Variants in KIF19 observed in about 807,000 individuals in gnomAD.
The protein encoded by KIF19 is kinesin-like protein KIF19.
KIF19 carries 98 observed loss-of-function variants against 106.6 expected under a neutral mutation model. The ratio of observed to expected loss-of-function variants is 0.92; its 90% CI spans 0.78 to 1.09. KIF19 has a LOEUF of 1.09. Ranked by LOEUF, KIF19 falls within the 50% of genes least tolerant of loss-of-function variation. The pLI, the probability that KIF19 is intolerant of heterozygous loss-of-function variation, is 0.00. For missense variants in KIF19, 1,373 were observed against 1,414.3 expected, an observed-to-expected ratio of 0.97 and a Z score of 0.47; for synonymous variants, 516 against 584.2, an observed-to-expected ratio of 0.88 and a Z score of 1.68.
rs376586257 is a variant in KIF19, at chr17:74,349,353, C to T, written c.1213+4C>T. On this transcript the variant is annotated splice_donor_region_variant and intron_variant, in intron 10 of 19. Transcript: ENST00000389916. ...GGTGACATCCGCCACATCCAAGGTG[C>T]GCCTGTGGGTCTGTGTGAGTGGCAG... 4.5e-5 allele frequency: 71 copies of T among 1,592,398 alleles called. No homozygotes were observed. The highest frequency in any genetic ancestry group is 2.5e-4 in the African/African-American group (19 of 74,512).
chr17:74,353,522 G>A lies in KIF19; in HGVS notation c.2249G>A (p.Trp750Ter). Residue 750 changes from tryptophan (W) to a stop codon, truncating the protein, a stop_gained, in exon 17 of 20, where the codon TGG becomes TAG. Coordinates refer to ENST00000389916, the MANE Select transcript of KIF19 (RefSeq NM_153209.4). LOFTEE classifies it high-confidence loss of function. ...EAPAQDSLGSWINSSPDSSEN... is the reference protein window; with the variant it reads ...EAPAQDSLGS ...CCGGCTCAGGACAGCCTGGGCAGCT[G>A]GATCAACTCTTCCCCTGACAGCAGT... The A allele has an allele frequency of 6.2e-7, 1 of 1,613,906 alleles. No individual in the cohort carries two copies. Among genetic ancestry groups the A allele is most frequent in the Non-Finnish European group, 8.5e-7 (1 of 1,179,888 alleles).
chr17:74,342,152 A>G (rs1030126684), intron 3 of KIF19, among the ~76,000 whole-genome samples, 166 bp downstream of exon 3: 3 of 152,128 alleles, frequency 2.0e-5, no homozygotes, highest in Admixed American at 2.0e-4. Context: ...TCATGCACAC[A>G]AGGCACACAC....
rs1044744514 is a variant in KIF19, at chr17:74,346,744, A to G, written c.924+220A>G. Among the ~76,000 whole-genome samples, 31 of 152,224 alleles carry G rather than the reference A, an allele frequency of 2.0e-4. No homozygotes were observed. Among genetic ancestry groups the G allele is most frequent in the Non-Finnish European group, 3.2e-4 (22 of 68,038 alleles). On this transcript the variant is annotated intron_variant, in intron 8 of 19. Coordinates refer to ENST00000389916, the MANE Select transcript of KIF19 (RefSeq NM_153209.4). This position sits in a 1 kb window ranked among gnomAD's most constrained non-coding sequence, Gnocchi z 4.6. ...AATTTAACTGGGTATCCTGTATTTT[A>G]TCTGACGACCCTAACCAAAGGCTGG...
At chr17:74,342,757 C>T (rs372391374) in intron 4 of KIF19, 40 bp downstream of exon 4, 692 of 1,543,362 alleles carry the variant, frequency 4.5e-4, no homozygotes, top group Non-Finnish European at 5.7e-4. Context: ...GACCGCAATG[C>T]CCCTGTAATC....
At chr17:74,330,563 A>ACT (rs547807959) in intron 2 of KIF19, among the ~76,000 whole-genome samples, 3 of 151,828 alleles carry the variant, frequency 2.0e-5, no homozygotes, top group East Asian at 3.9e-4. Flanking sequence ...GACAATGCTG[A>ACT]CTCTCTCTCT....
chr17:74,328,628 T>G, intron 2 of KIF19, 123 bp downstream of exon 2: 1 of 741,758 alleles, frequency 1.3e-6, no homozygotes, highest in Non-Finnish European at 2.2e-6. Flanking sequence ...CTCACTGAAC[T>G]CTTGGCTGTG....
intron 2 of KIF19, among the ~76,000 whole-genome samples, chr17:74,338,302 G>A (rs1044962914): frequency 1.3e-5 from 2 of 152,242 alleles, no homozygotes; most frequent in African/African-American, 2.4e-5. Flanking sequence ...TACCTTCAGT[G>A]GGGTCTGACA....
intron 7 of KIF19, among the ~76,000 whole-genome samples, chr17:74,345,611 G>C (rs1039515267): frequency 7.2e-5 from 11 of 152,114 alleles, no homozygotes; most frequent in African/African-American, 2.2e-4. Flanking sequence ...GCAATCTTGG[G>C]GGTTTTATGG....
At chr17:74,328,982 T>G (rs1310030462) in intron 2 of KIF19, 1 of 153,622 alleles carries the variant, frequency 6.5e-6, no homozygotes, top group East Asian at 1.9e-4. Flanking sequence ...TTCTAGAAAC[T>G]GGGAAACTGT....
At position 74,354,657 on chromosome 17, in the gene KIF19, A is replaced by G. The variant is rs577827540; in HGVS notation, c.2706+98A>G. ...AAAGGCTCCAGGGCACCTCTAGCCT[A>G]CCCCATACCTGGAGGCACCACCCTC... is the stretch of plus-strand genomic sequence containing the variant. On this transcript the variant is annotated intron_variant, in intron 18 of 19. Coordinates refer to ENST00000389916, the MANE Select transcript of KIF19 (RefSeq NM_153209.4). 5.2e-6 allele frequency: 8 copies of G among 1,524,732 alleles called. No individual in the cohort carries two copies. The Admixed American group carries it at 1.2e-4, about 23-fold the overall frequency. The allele number at this position is 1,524,732 out of a possible 1,614,324, so 94.5% of individuals were successfully genotyped here. A position where few individuals can be genotyped will look rare whatever the true frequency, so the allele number is the denominator to read the frequency against.
chr17:74,353,582 G>T lies in KIF19; in HGVS notation c.2308+1G>T, dbSNP rs1231562388. On this transcript the variant is annotated splice_donor_variant, in intron 17 of 19. Transcript: ENST00000389916. LOFTEE classifies it high-confidence loss of function. ...TCGGAGATCCCCTTGTCCCACAAAG[G>T]TATGTGTGCCCTCTGCTGCCCGGCC... The T allele has an allele frequency of 6.2e-7, 1 of 1,612,338 alleles. No homozygotes were observed. The highest frequency in any genetic ancestry group is 2.2e-5 in the East Asian group (1 of 44,888).
intron 7 of KIF19, among the ~76,000 whole-genome samples, chr17:74,345,924 C>T (rs1047732212): frequency 6.6e-6 from 1 of 152,156 alleles, no homozygotes; most frequent in African/African-American, 2.4e-5. Context: ...GGCAGGGCCT[C>T]CTCGGCTTTG....
chr17:74,342,875 G>A (rs1324614575), intron 4 of KIF19, 149 bp from the exon 5 acceptor site: 17 of 1,185,244 alleles, frequency 1.4e-5, no homozygotes, highest in East Asian at 7.7e-5. Flanking sequence ...AACCCGAGCC[G>A]GGGCATCATC....
chr17:74,352,127 G>A lies in KIF19; in HGVS notation c.1848G>A (p.Gln616=). 6.3e-7 allele frequency: 1 copy of A among 1,582,518 alleles called. No individual in the cohort carries two copies. The highest frequency in any genetic ancestry group is 8.6e-7 in the Non-Finnish European group (1 of 1,161,554). Residue 616 remains glutamine (Q), a synonymous_variant, in exon 13 of 20, where the codon CAG becomes CAA. Transcript: ENST00000389916. ...ACGAGATTATCCAGGGCCAGCGGCA[G>A]ATCATCGACGGTAGGGCCCACGCCC... ...LCDEIIQGQR[Q]IIDDYNLAVP...
In KIF19 at chr17:74,354,544, G is replaced by A. The variant is rs1411388801; in HGVS notation, c.2691G>A (p.Glu897=). ...GGAAGCGGAGGTCCCGATCCTTCGA[G>A]GTCACCGGGCAAGGGGTGAGGCGAG... ...KRRKRRSRSF[E]VTGQGLSHPK... is the part of the protein sequence containing the mutation. The change falls in exon 18 of 20, where the codon GAG becomes GAA. Residue 897 remains glutamate (E), a synonymous_variant. Transcript: ENST00000389916. 1.3e-6 allele frequency: 2 copies of A among 1,596,992 alleles called. No individual in the cohort carries two copies. Among genetic ancestry groups the A allele is most frequent in the Non-Finnish European group, 1.7e-6 (2 of 1,173,094 alleles).
Position 74,355,247 on chromosome 17 carries a change from C to T in KIF19, c.2932C>T (p.Arg978Cys), listed in dbSNP as rs777141396. The change falls in exon 20 of 20, where the codon CGT (arginine) becomes TGT (cysteine). Residue 978 changes from arginine (R) to cysteine (C), a missense_variant. Transcript: ENST00000389916. ...NPGGGSRRATRGPRLPHGTST... is the reference protein window; with the variant it reads ...NPGGGSRRATCGPRLPHGTST... ...AGGTGGTGGTTCTCGACGGGCTACC[C>T]GTGGGCCCCGCCTGCCCCACGGCAC... 13 of 1,612,694 alleles carry T rather than the reference C, an allele frequency of 8.1e-6. No individual in the cohort carries two copies. Among genetic ancestry groups the T allele is most frequent in the Middle Eastern group, 1.6e-4 (1 of 6,072 alleles).
rs1372587193 is a variant in KIF19 at position 74,354,940 on chromosome 17, G to C, written c.2865G>C (p.Thr955=). 2 of 1,581,488 alleles carry C rather than the reference G, an allele frequency of 1.3e-6. No individual in the cohort carries two copies. The highest frequency in any genetic ancestry group is 1.8e-5 in the Admixed American group (1 of 54,582). ...TCAAACTCCCTCCAAGCCAGAACAC[G>C]GGTCAGTATGGGCAAGGAGGGGATG... The part of the protein sequence containing the change: ...AKVKLPPSQN[T]GPGDSSPLAV... The change falls in exon 19 of 20, where the codon ACG becomes ACC. Residue 955 remains threonine (T), a splice_region_variant and synonymous_variant. Coordinates refer to ENST00000389916, the MANE Select transcript of KIF19 (RefSeq NM_153209.4).
chr17:74,326,282 G>A lies in KIF19; in HGVS notation c.-68G>A. On this transcript the variant is annotated 5_prime_UTR_variant, in exon 1 of 20. Coordinates refer to ENST00000389916, the MANE Select transcript of KIF19 (RefSeq NM_153209.4). ...AGCTAGCAGCTGGCGGACGCGACCC[G>A]GAGGCGGTGGGGGTGCGGCTGAGCC... 1.4e-6 allele frequency: 2 copies of A among 1,477,010 alleles called. No homozygotes were observed. The highest frequency in any genetic ancestry group is 1.8e-6 in the Non-Finnish European group (2 of 1,093,652). 91.5% of individuals were successfully genotyped at this position (1,477,010 alleles called of 1,614,324 possible).
intron 1 of KIF19, 28 bp downstream of exon 1, chr17:74,326,416 A>T (rs775198690): frequency 6.2e-7 from 1 of 1,607,344 alleles, no homozygotes; most frequent in African/African-American, 1.3e-5. Context: ...CCTCCTCCCC[A>T]CCCCGCTCCG....
Sources: allele counts gnomAD v4.1 joint callset (sites outside exome capture counted in the v4.1 genomes callset), GRCh38; gene constraint gnomAD v4.1.1; non-coding constraint Gnocchi (gnomAD v3.1); transcripts MANE v1.5; gene names NCBI Gene and HGNC (gene_info 2026-07-23, HGNC 2026-07-21).